FARP2: variants seen among roughly 807,000 people sequenced by gnomAD.
FARP2 encodes FERM, ARH/RhoGEF and pleckstrin domain protein 2, also known as FERM, ARHGEF and pleckstrin domain-containing protein 2.
A neutral mutation model predicts 130.5 loss-of-function variants in FARP2; 111 were observed. That is an observed-to-expected ratio of 0.85 (90% CI 0.73 to 1.00). The LOEUF is 1.00. Ranked by LOEUF, FARP2 falls within the 50% of genes least tolerant of loss-of-function variation. The pLI, the probability that FARP2 is intolerant of heterozygous loss-of-function variation, is 0.00. For missense variants in FARP2, 1,385 were observed against 1,346.3 expected (o/e 1.03, Z -0.45); for synonymous variants, 504 against 516.9 (o/e 0.98, Z 0.34).
chr2:241,408,186 A>G lies in FARP2; in HGVS notation c.410+571A>G, dbSNP rs144953379. Reference sequence around the variant, plus strand: ...AGATCGAGACCATCCTGGCTAACACAGTTTTGAAACCCCGTCTCCACTAAA... The same window carrying G: ...AGATCGAGACCATCCTGGCTAACACGGTTTTGAAACCCCGTCTCCACTAAA... On this transcript the variant is annotated intron_variant, in intron 5 of 26. Transcript: ENST00000264042. Among the ~76,000 whole-genome samples, 1,187 of 152,226 alleles carry G rather than the reference A, an allele frequency of 7.8e-3. 12 individuals carry two copies. The highest frequency in any genetic ancestry group is 0.027 in the African/African-American group (1,113 of 41,532).
intron 21 of FARP2, among the ~76,000 whole-genome samples, 185 bp downstream of exon 21, chr2:241,484,516 A>G (rs2064704753): frequency 6.6e-6 from 1 of 152,194 alleles, no homozygotes. Context: ...CCTCATGGTC[A>G]TTGTTGTTAT....
Position 241,407,549 on chromosome 2 carries a change from TG to T in FARP2, c.346del (p.Val116CysfsTer4). 1 of 1,614,016 alleles carries T rather than the reference TG, an allele frequency of 6.2e-7. No individual in the cohort carries two copies. Among genetic ancestry groups the T allele is most frequent in the Non-Finnish European group, 8.5e-7 (1 of 1,179,846 alleles). On this transcript the variant is annotated frameshift_variant, in exon 5 of 27. Transcript: ENST00000264042. LOFTEE classifies it high-confidence loss of function. ...TTTTTTGTTATAGGGCCAAAGAATGTGGTGCTTCGCCTAGCTGTAAAATTTT... is the reference window on the plus strand; with the variant it reads ...TTTTTTGTTATAGGGCCAAAGAATGTGTGCTTCGCCTAGCTGTAAAATTTT... ...IIRQIRRPKNVVLRLAVKFFP... is the reference protein window; with the variant it reads ...IIRQIRRPKNXVLRLAVKFFP...
chr2:241,485,977 C>T (rs78127357), intron 21 of FARP2, among the ~76,000 whole-genome samples: 9,843 of 152,348 alleles, frequency 0.065, 428 homozygotes, highest in Non-Finnish European at 0.097. Flanking sequence ...GCGCCAAAAC[C>T]CTCAGGCAGG....
chr2:241,468,079 C>G, intron 17 of FARP2, 61 bp from the exon 18 acceptor site: 1 of 1,127,138 alleles, frequency 8.9e-7, no homozygotes. Flanking sequence ...GAAAACAGGC[C>G]AGTCTCCCCC....
rs192338715 is a variant in FARP2, at chr2:241,407,012, G to T, written c.332-525G>T. 2.6e-4 allele frequency among the ~76,000 whole-genome samples: 39 copies of T among 151,498 alleles called. No homozygotes were observed. In the East Asian group the frequency reaches 7.3e-3, roughly 28 times the overall value. On this transcript the variant is annotated intron_variant, in intron 4 of 26. Transcript: ENST00000264042. ...TTTAATAGAGACGGGGTTTCACTGT[G>T]TTGGCCAGGATGGTCTCGATCTCCT...
chr2:241,437,673 T>TATTTATTTA lies in FARP2; in HGVS notation c.1158+1135_1158+1136insATTTATTTA, dbSNP rs79917380. 7.3e-4 allele frequency among the ~76,000 whole-genome samples: 104 copies of TATTTATTTA among 141,644 alleles called. 3 individuals carry two copies. In the South Asian group the frequency reaches 0.021, roughly 29 times the overall value. The allele number at this position is 141,644 out of a possible 152,430, so 92.9% of individuals were successfully genotyped here. A position where few individuals can be genotyped will look rare whatever the true frequency, so the allele number is the denominator to read the frequency against. ...ATATTTATTTATTTATTTATTTATT[T>TATTTATTTA]TTTTTTTTTGAGACGGAGTCTTGCT... On this transcript the variant is annotated intron_variant, in intron 12 of 26. Transcript: ENST00000264042.
chr2:241,392,021 G>A (rs1196676373), intron 2 of FARP2, among the ~76,000 whole-genome samples: 1 of 152,246 alleles, frequency 6.6e-6, no homozygotes, highest in African/African-American at 2.4e-5. Context: ...AGGGCTGAGG[G>A]AAGGAATATC....
At chr2:241,472,363 A>C (rs557973946) in intron 18 of FARP2, among the ~76,000 whole-genome samples, 25 of 131,654 alleles carry the variant, frequency 1.9e-4, no homozygotes, top group African/African-American at 5.8e-4. Context: ...GGATTCTGTT[A>C]TGTGGGGGAT....
At chr2:241,432,584 C>G (rs1407759601) in intron 9 of FARP2, among the ~76,000 whole-genome samples, 1 of 152,174 alleles carries the variant, frequency 6.6e-6, no homozygotes, top group East Asian at 1.9e-4. Flanking sequence ...TTGAATAGCT[C>G]TAATTGAAGA....
Position 241,482,959 on chromosome 2 carries a change from G to A in FARP2, c.2263-506G>A, listed in dbSNP as rs985097885. 2.0e-5 allele frequency among the ~76,000 whole-genome samples: 3 copies of A among 151,734 alleles called. No individual in the cohort carries two copies. The highest frequency in any genetic ancestry group is 4.8e-5 in the African/African-American group (2 of 41,302). On this transcript the variant is annotated intron_variant, in intron 19 of 26. Coordinates refer to ENST00000264042, the MANE Select transcript of FARP2 (RefSeq NM_014808.4). The surrounding 1 kb of genome is among the most constrained non-coding windows in gnomAD (Gnocchi z 4.6). ...ACCCTCCTTTCCTCCTCCCATTCTC[G>A]AACCTGCTCTTGGTGCTAATTTGAA...
intron 21 of FARP2, among the ~76,000 whole-genome samples, chr2:241,486,214 G>T (rs1237459362): frequency 6.6e-6 from 1 of 151,736 alleles, no homozygotes; most frequent in Non-Finnish European, 1.5e-5. Flanking sequence ...AGGAGGTCAA[G>T]ATGGTAGGAT....
Position 241,430,064 on chromosome 2 carries a change from G to A in FARP2, c.772-1615G>A, listed in dbSNP as rs943720882. On this transcript the variant is annotated intron_variant, in intron 8 of 26. Transcript: ENST00000264042. ...AATCCCATTCTTCCTACTACTGGAA[G>A]GAAGAGTTTTCTCTCCATTTATTTA... Among the ~76,000 whole-genome samples the A allele has an allele frequency of 8.1e-4, 124 of 152,284 alleles. 1 individual carries two copies. Among genetic ancestry groups the A allele is most frequent in the African/African-American group, 2.8e-3 (115 of 41,556 alleles).
intron 7 of FARP2, among the ~76,000 whole-genome samples, chr2:241,414,078 G>A (rs62193220): frequency 0.19 from 28,644 of 152,046 alleles, 2,952 homozygotes; most frequent in East Asian, 0.4. Flanking sequence ...TCCTCTACGG[G>A]GAAGACACTG....
chr2:241,372,907 G>A (rs550191389), intron 1 of FARP2, 177 bp from the exon 2 acceptor site: 21 of 362,882 alleles, frequency 5.8e-5, no homozygotes, highest in African/African-American at 4.0e-4. Context: ...CCACCTATGA[G>A]TGCCTGAGTA....
At chr2:241,390,940 A>G (rs1446608269) in intron 2 of FARP2, among the ~76,000 whole-genome samples, 2 of 152,096 alleles carry the variant, frequency 1.3e-5, no homozygotes, top group African/African-American at 2.4e-5. Context: ...AAAGGCTGCT[A>G]TTTGATTTCC....
At chr2:241,492,222 G>A (rs1033399761) in intron 24 of FARP2, among the ~76,000 whole-genome samples, 5 of 152,198 alleles carry the variant, frequency 3.3e-5, no homozygotes, top group African/African-American at 4.8e-5. Context: ...AGCCACAATC[G>A]GCTGGGCAGG....
intron 19 of FARP2, chr2:241,478,397 G>A (rs2064528797): frequency 4.2e-6 from 1 of 236,536 alleles, no homozygotes; most frequent in Non-Finnish European, 8.4e-6. Flanking sequence ...GCAAGACTCA[G>A]AGTGCCGTGG....
Position 241,456,763 on chromosome 2 carries a change from T to A in FARP2, c.1428T>A (p.Ser476Arg), listed in dbSNP as rs1217970729. The change falls in exon 14 of 27, where the codon AGT (serine) becomes AGA (arginine). Residue 476 changes from serine (S) to arginine (R), a missense_variant. Transcript: ENST00000264042. The part of the protein sequence containing the change: ...LQPGPGLSTK[S>R]PQPSPSSRKS... ...CATTTCCAGGCCTTTCCACGAAGAG[T>A]CCTCAGCCTTCTCCCTCCAGCCGGA... The A allele has an allele frequency of 3.1e-6, 5 of 1,613,602 alleles. No homozygotes were observed. In the Admixed American group the frequency reaches 8.3e-5, roughly 27 times the overall value.
intron 2 of FARP2, among the ~76,000 whole-genome samples, chr2:241,388,881 TG>T (rs1246278071): frequency 5.9e-5 from 9 of 152,104 alleles, no homozygotes; most frequent in Admixed American, 2.0e-4. Context: ...CCAAAAGTTT[TG>T]TATTGAAGCC....
Sources: allele counts gnomAD v4.1 joint callset (sites outside exome capture counted in the v4.1 genomes callset), GRCh38; gene constraint gnomAD v4.1.1; non-coding constraint Gnocchi (gnomAD v3.1); transcripts MANE v1.5; gene names NCBI Gene and HGNC (gene_info 2026-07-23, HGNC 2026-07-21).